NLGN1: variants seen among roughly 807,000 people sequenced by gnomAD.
NLGN1 encodes neuroligin 1, also known as neuroligin-1.
A neutral mutation model predicts 65.5 loss-of-function variants in NLGN1; 12 were observed. The ratio of observed to expected loss-of-function variants is 0.18; its 90% CI spans 0.12 to 0.30. NLGN1 has a LOEUF of 0.30. Among genes scored for constraint, NLGN1 ranks in the 10% least tolerant of loss-of-function variants. The probability of loss-of-function intolerance (pLI) is 1.00; values close to 1 mark genes in which losing one functional copy is unlikely to be tolerated. For missense variants in NLGN1, 750 were observed against 1,007.1 expected (o/e 0.74, Z 3.46); for synonymous variants, 350 against 359.5 (o/e 0.97, Z 0.30).
intron 4 of NLGN1, among the ~76,000 whole-genome samples, chr3:173,864,227 T>C (rs543386969): frequency 1.3e-5 from 2 of 152,322 alleles, no homozygotes; most frequent in East Asian, 3.9e-4. Flanking sequence ...GTCTCCATTT[T>C]AGAAATGAGA....
chr3:173,578,073 A>G (rs1232123477), intron 2 of NLGN1, among the ~76,000 whole-genome samples: 1 of 151,992 alleles, frequency 6.6e-6, no homozygotes, highest in Non-Finnish European at 1.5e-5. Flanking sequence ...TGCCTCTGCT[A>G]AAAATACAAA....
intron 4 of NLGN1, among the ~76,000 whole-genome samples, chr3:173,862,292 G>A (rs1001681253): frequency 6.6e-6 from 1 of 151,196 alleles, no homozygotes; most frequent in Admixed American, 6.6e-5. Context: ...GGATCACGAG[G>A]TCGGGAGATC....
At chr3:173,667,765 G>T (rs1333378967) in intron 3 of NLGN1, among the ~76,000 whole-genome samples, 1 of 152,078 alleles carries the variant, frequency 6.6e-6, no homozygotes, top group East Asian at 1.9e-4. Flanking sequence ...GATTAGCTGG[G>T]ACTACAGGTG....
At chr3:174,293,263 GT>G in the NLGN1 span, among the ~76,000 whole-genome samples, 1 of 151,240 alleles carries the variant, frequency 6.6e-6, no homozygotes, top group Non-Finnish European at 1.5e-5. Flanking sequence ...TAATCTGGGT[GT>G]TTTTTACCTG....
At chr3:173,819,002 T>C (rs530122910) in intron 4 of NLGN1, among the ~76,000 whole-genome samples, 2 of 150,098 alleles carry the variant, frequency 1.3e-5, no homozygotes, top group East Asian at 4.0e-4. Context: ...GATTTGCCTT[T>C]AAAATATAGT....
chr3:174,072,386 A>G (rs1740087268), intron 4 of NLGN1, among the ~76,000 whole-genome samples: 1 of 152,196 alleles, frequency 6.6e-6, no homozygotes, highest in Non-Finnish European at 1.5e-5. Flanking sequence ...GAGAAAGCCA[A>G]CAGAGAACTA....
chr3:173,541,449 T>G (rs1031219867), intron 2 of NLGN1, among the ~76,000 whole-genome samples: 1 of 152,150 alleles, frequency 6.6e-6, no homozygotes, highest in Non-Finnish European at 1.5e-5. Flanking sequence ...GTAGGAACAT[T>G]AATATCATTT....
At chr3:174,260,214 T>A (rs1746610476) in intron 4 of NLGN1, among the ~76,000 whole-genome samples, 1 of 150,978 alleles carries the variant, frequency 6.6e-6, no homozygotes, top group South Asian at 2.1e-4. Flanking sequence ...ATGGGATGGC[T>A]GGGTCAAATG....
At chr3:173,396,265 T>G (rs1406305091), upstream of NLGN1, 3 of 152,314 alleles carry the variant, frequency 2.0e-5, no homozygotes, top group Admixed American at 6.5e-5. Context: ...ATTTTTTTCC[T>G]TCTCCCTCTA....
At chr3:173,765,200 A>C (rs1778596962) in intron 3 of NLGN1, among the ~76,000 whole-genome samples, 1 of 152,062 alleles carries the variant, frequency 6.6e-6, no homozygotes, top group South Asian at 2.1e-4. Flanking sequence ...ACTAAAAAGA[A>C]CAAAAGCGAG....
chr3:173,588,319 C>T (rs535081870), intron 2 of NLGN1, among the ~76,000 whole-genome samples: 1 of 152,118 alleles, frequency 6.6e-6, no homozygotes, highest in African/African-American at 2.4e-5. Context: ...TAATAGTAAC[C>T]CATTTGCTGG....
intron 4 of NLGN1, among the ~76,000 whole-genome samples, chr3:173,921,409 G>C (rs1742003212): frequency 1.3e-5 from 2 of 150,536 alleles, no homozygotes; most frequent in Non-Finnish European, 1.5e-5. Context: ...GTTCATACAA[G>C]GAATGCATTT....
At chr3:173,953,628 C>A (rs529713097) in intron 4 of NLGN1, among the ~76,000 whole-genome samples, 27 of 152,304 alleles carry the variant, frequency 1.8e-4, no homozygotes, top group South Asian at 2.1e-4. Context: ...TATCATGGCT[C>A]ACTGCAGCCT....
intron 4 of NLGN1, among the ~76,000 whole-genome samples, chr3:174,258,035 T>A (rs940256793): frequency 2.6e-5 from 4 of 151,910 alleles, no homozygotes; most frequent in African/African-American, 4.8e-5. Flanking sequence ...GAATTATATA[T>A]GAGAAGACCA....
chr3:173,604,917 A>T, exon 3 of NLGN1: 1 of 1,613,780 alleles, frequency 6.2e-7, no homozygotes, highest in Non-Finnish European at 8.5e-7. Flanking sequence ...CTGGTCAGAT[A>T]TCAGAAATGC....
intron 4 of NLGN1, among the ~76,000 whole-genome samples, chr3:173,913,953 G>A (rs543727530): frequency 2.0e-4 from 31 of 152,244 alleles, no homozygotes; most frequent in African/African-American, 7.0e-4. Flanking sequence ...CTGCACCGCA[G>A]GAAACTTGTA....
intron 3 of NLGN1, among the ~76,000 whole-genome samples, chr3:173,803,343 G>A (rs963373104): frequency 5.3e-5 from 8 of 152,122 alleles, no homozygotes; most frequent in African/African-American, 1.9e-4. Context: ...TACCCTGGGT[G>A]TGGTGGCTCC....
chr3:174,191,235 G>T (rs1012733690), intron 4 of NLGN1, among the ~76,000 whole-genome samples: 3 of 152,162 alleles, frequency 2.0e-5, no homozygotes, highest in South Asian at 4.1e-4. Flanking sequence ...TAACAGACCT[G>T]TGTAGTGATC....
Position 174,192,666 on chromosome 3 carries a change from A to G in NLGN1, c.647-82649A>G, listed in dbSNP as rs576765781. On this transcript the variant is annotated intron_variant, in intron 4 of 6. Coordinates refer to ENST00000457714, the Ensembl canonical transcript of NLGN1. ...TGCGTGTTTCTGTCTTGTCTTTTCT[A>G]TTGGCCTATAAGCTCTTGGGGCTAG... 1.1e-4 allele frequency among the ~76,000 whole-genome samples: 17 copies of G among 152,192 alleles called. No individual in the cohort carries two copies. The East Asian group carries it at 2.9e-3, about 26-fold the overall frequency.
Sources: allele counts gnomAD v4.1 joint callset (sites outside exome capture counted in the v4.1 genomes callset), GRCh38; gene constraint gnomAD v4.1.1; transcripts MANE v1.5; gene names NCBI Gene and HGNC (gene_info 2026-07-23, HGNC 2026-07-21).